GTF2IRD1: variants seen among roughly 807,000 people sequenced by gnomAD.
The protein encoded by GTF2IRD1 is GTF2I repeat domain containing 1.
A neutral mutation model predicts 113.2 loss-of-function variants in GTF2IRD1; 26 were observed. The ratio of observed to expected loss-of-function variants is 0.23; its 90% CI spans 0.17 to 0.32. The LOEUF (loss-of-function observed/expected upper bound fraction) is 0.32. GTF2IRD1 is among the 10% of genes least tolerant of loss of function. The pLI, the probability that GTF2IRD1 is intolerant of heterozygous loss-of-function variation, is 1.00. For synonymous variants in GTF2IRD1, 484 were observed against 529.1 expected, an observed-to-expected ratio of 0.91 and a Z score of 1.17; for missense variants, 864 against 1,280.8, an observed-to-expected ratio of 0.67 and a Z score of 4.97.
At chr7:74,536,351 G>T (rs1423669291) in intron 11 of GTF2IRD1, 76 bp downstream of exon 11, 1 of 896,432 alleles carries the variant, frequency 1.1e-6, no homozygotes, top group Non-Finnish European at 1.8e-6. Flanking sequence ...CTGCAAGGGG[G>T]TACCCAGGGC....
intron 17 of GTF2IRD1, among the ~76,000 whole-genome samples, chr7:74,550,371 A>T (rs1399231357): frequency 6.6e-6 from 1 of 151,632 alleles, no homozygotes; most frequent in Admixed American, 6.6e-5. Flanking sequence ...TGGTTGAAGG[A>T]GGGCTTCTTT....
intron 5 of GTF2IRD1, 64 bp downstream of exon 5, chr7:74,518,386 G>A (rs951792682): frequency 6.7e-6 from 9 of 1,347,096 alleles, no homozygotes; most frequent in African/African-American, 2.9e-5. Context: ...AGGGCCGGGG[G>A]CTGGAGGCCA....
At chr7:74,492,392 G>C (rs1242699224) in intron 1 of GTF2IRD1, among the ~76,000 whole-genome samples, 2 of 151,910 alleles carry the variant, frequency 1.3e-5, no homozygotes, top group South Asian at 2.1e-4. Flanking sequence ...GGATGGTCTT[G>C]ATCTCCTGAC....
chr7:74,526,117 G>A (rs1057015430), intron 8 of GTF2IRD1, among the ~76,000 whole-genome samples: 1 of 152,242 alleles, frequency 6.6e-6, no homozygotes, highest in Non-Finnish European at 1.5e-5. Flanking sequence ...GAGGTTGGGG[G>A]AGGGGAACCA....
intron 1 of GTF2IRD1, among the ~76,000 whole-genome samples, chr7:74,490,548 C>A (rs904078066): frequency 6.6e-6 from 1 of 151,410 alleles, no homozygotes; most frequent in African/African-American, 2.4e-5. Flanking sequence ...GGATACCCCC[C>A]CCCCCGCCCG....
chr7:74,484,241 G>C (rs1395048889), intron 1 of GTF2IRD1, among the ~76,000 whole-genome samples: 2 of 152,270 alleles, frequency 1.3e-5, no homozygotes, highest in African/African-American at 4.8e-5. Context: ...TCAAGGATTT[G>C]GAGAGATGGT....
intron 14 of GTF2IRD1, among the ~76,000 whole-genome samples, chr7:74,543,179 G>C (rs587696797): frequency 6.6e-6 from 1 of 152,196 alleles, no homozygotes; most frequent in East Asian, 1.9e-4. Flanking sequence ...GTGCGCACCT[G>C]TTATCCCAGC....
At chr7:74,485,936 G>A (rs1054005042) in intron 1 of GTF2IRD1, among the ~76,000 whole-genome samples, 2 of 150,744 alleles carry the variant, frequency 1.3e-5, no homozygotes, top group South Asian at 4.2e-4. Flanking sequence ...TAAAAAAAAA[G>A]AAGAAGAAAG....
intron 22 of GTF2IRD1, among the ~76,000 whole-genome samples, chr7:74,567,287 C>A (rs1554360967): frequency 6.6e-6 from 1 of 151,378 alleles, no homozygotes; most frequent in Non-Finnish European, 1.5e-5. Flanking sequence ...GAGATTGCAC[C>A]ACAGCACTCC....
intron 1 of GTF2IRD1, among the ~76,000 whole-genome samples, chr7:74,498,490 T>A (rs1162997663): frequency 6.6e-6 from 1 of 152,202 alleles, no homozygotes; most frequent in Non-Finnish European, 1.5e-5. Context: ...CTTGCTTCTC[T>A]CTGTGGAAAC....
intron 22 of GTF2IRD1, among the ~76,000 whole-genome samples, chr7:74,586,241 G>A (rs1801709900): frequency 2.6e-5 from 4 of 152,174 alleles, no homozygotes; most frequent in Admixed American, 2.0e-4. Flanking sequence ...TGGTCCTTGG[G>A]CCCAGGACTC....
intron 2 of GTF2IRD1, among the ~76,000 whole-genome samples, chr7:74,509,267 G>A (rs377139222): frequency 6.6e-6 from 1 of 152,226 alleles, no homozygotes; most frequent in East Asian, 1.9e-4. Context: ...TGAGGCAGGA[G>A]AATCACTTGA....
At chr7:74,565,114 C>T (rs1194162523) in intron 22 of GTF2IRD1, among the ~76,000 whole-genome samples, 1 of 152,220 alleles carries the variant, frequency 6.6e-6, no homozygotes, top group Non-Finnish European at 1.5e-5. Flanking sequence ...TCCAGCCCTG[C>T]CCGCAAGGGG....
At chr7:74,517,116 T>C (rs587671446) in intron 4 of GTF2IRD1, among the ~76,000 whole-genome samples, 8 of 151,972 alleles carry the variant, frequency 5.3e-5, no homozygotes, top group African/African-American at 1.9e-4. Flanking sequence ...CTCCCCCTCC[T>C]GGGTTCAAGC....
rs782471124 is a variant in GTF2IRD1, at chr7:74,515,493, G to A, written c.318G>A (p.Arg106=). The A allele has an allele frequency of 2.2e-5, 36 of 1,612,066 alleles. No individual in the cohort carries two copies. The East Asian group carries it at 6.9e-4, about 31-fold the overall frequency. ...PEAEHPKKVQ[R]GEGGGRSLPR... is the part of the protein sequence containing the mutation. ...CAGAGCACCCCAAGAAGGTGCAGCGGGGCGAGGGTGGAGGCCGTAGCCTCC... is the reference window on the plus strand; with the variant it reads ...CAGAGCACCCCAAGAAGGTGCAGCGAGGCGAGGGTGGAGGCCGTAGCCTCC... Residue 106 remains arginine (R), a synonymous_variant, in exon 4 of 27, where the codon CGG becomes CGA. Coordinates refer to ENST00000424337, the MANE Select transcript of GTF2IRD1 (RefSeq NM_005685.4).
At chr7:74,595,094 CT>C in intron 25 of GTF2IRD1, 43 bp downstream of exon 25, 1 of 1,436,522 alleles carries the variant, frequency 7.0e-7, no homozygotes, top group Non-Finnish European at 9.7e-7. Context: ...TCCGTGGGGA[CT>C]AGAGACTGTT....
At chr7:74,515,409 C>T (rs1171029934) in intron 3 of GTF2IRD1, 32 bp from the exon 4 acceptor site, 2 of 1,556,526 alleles carry the variant, frequency 1.3e-6, no homozygotes, top group Non-Finnish European at 1.7e-6. Context: ...GACGGGTGCT[C>T]ACTGTGGCCT....
intron 1 of GTF2IRD1, among the ~76,000 whole-genome samples, chr7:74,499,292 C>T (rs1172385989): frequency 2.6e-5 from 4 of 152,182 alleles, no homozygotes; most frequent in African/African-American, 9.7e-5. Context: ...GCCAATGGCC[C>T]GGCGGAGGTG....
intron 25 of GTF2IRD1, among the ~76,000 whole-genome samples, chr7:74,598,221 T>G (rs1554372948): frequency 9.4e-6 from 1 of 106,570 alleles, no homozygotes; most frequent in Non-Finnish European, 1.7e-5. Flanking sequence ...AGACCCTGTT[T>G]CCAAAAAAAA....
Sources: gnomAD v4.1 joint callset for allele counts (sites outside exome capture counted in the v4.1 genomes callset) on GRCh38, gnomAD v4.1.1 for gene constraint, MANE v1.5 for transcripts, NCBI Gene and HGNC (gene_info 2026-07-23, HGNC 2026-07-21) for gene names.